The following DLC1 variants were observed in gnomAD, a reference collection of about 807,000 sequenced individuals.
DLC1 encodes the protein rho GTPase-activating protein 7.
In DLC1, 54 loss-of-function variants were observed where a neutral mutation model predicts 140.3. The ratio of observed to expected loss-of-function variants is 0.38; its 90% confidence interval spans 0.31 to 0.48. The LOEUF (loss-of-function observed/expected upper bound fraction) is 0.48. Ranked by LOEUF, DLC1 falls within the 20% of genes least tolerant of loss-of-function variation. The pLI, the probability that DLC1 is intolerant of heterozygous loss-of-function variation, is 0.96. For synonymous variants in DLC1, 986 were observed against 728.1 expected, an observed-to-expected ratio of 1.35 and a Z score of -5.70; for missense variants, 2,536 against 1,907.0, an observed-to-expected ratio of 1.33 and a Z score of -6.14.
chr8:13,294,296 C>G (rs1384049161), intron 5 of DLC1, among the ~76,000 whole-genome samples: 2 of 152,080 alleles, frequency 1.3e-5, no homozygotes, highest in Non-Finnish European at 2.9e-5. Flanking sequence ...CCGTACTGTG[C>G]TACATCATGT....
At chr8:13,410,743 C>A (rs1473339526) in intron 2 of DLC1, among the ~76,000 whole-genome samples, 1 of 152,100 alleles carries the variant, frequency 6.6e-6, no homozygotes, top group African/African-American at 2.4e-5. Flanking sequence ...TTCCAACATA[C>A]TGTACAACTA....
chr8:13,533,151 A>C (rs933914766), intron 1 of DLC1, among the ~76,000 whole-genome samples: 1 of 152,190 alleles, frequency 6.6e-6, no homozygotes, highest in Non-Finnish European at 1.5e-5. Flanking sequence ...AGTAAAACAA[A>C]CAGTCAAAAA....
chr8:13,538,362 T>C (rs1009594423), intron 1 of DLC1, among the ~76,000 whole-genome samples: 1 of 147,806 alleles, frequency 6.8e-6, no homozygotes, highest in African/African-American at 2.6e-5. Context: ...GTGCCAGCAC[T>C]GAGTATAAAA....
chr8:13,175,701 G>T (rs879498651), intron 5 of DLC1, among the ~76,000 whole-genome samples: 1 of 152,142 alleles, frequency 6.6e-6, no homozygotes, highest in Admixed American at 6.5e-5. Context: ...ACTTGAGTCA[G>T]ATTTTACCAA....
intron 5 of DLC1, among the ~76,000 whole-genome samples, chr8:13,152,735 G>C (rs1197579124): frequency 6.6e-6 from 1 of 150,856 alleles, no homozygotes; most frequent in African/African-American, 2.4e-5. Flanking sequence ...AACAGCACCA[G>C]AGTCTGGGGA....
intron 1 of DLC1, among the ~76,000 whole-genome samples, chr8:13,572,085 A>AT (rs1228552049): frequency 1.2e-4 from 10 of 85,344 alleles, no homozygotes; most frequent in Non-Finnish European, 2.2e-4. Flanking sequence ...GATTATTATT[A>AT]TTATTATTTA....
chr8:13,515,979 AGGT>A (rs1309941598), upstream of DLC1, among the ~76,000 whole-genome samples: 1 of 152,120 alleles, frequency 6.6e-6, no homozygotes, highest in African/African-American at 2.4e-5. Flanking sequence ...AAGAAGAGGG[AGGT>A]GGTTTTGGGA....
At chr8:13,277,118 T>C (rs1439149460) in intron 5 of DLC1, among the ~76,000 whole-genome samples, 5 of 152,012 alleles carry the variant, frequency 3.3e-5, no homozygotes, top group African/African-American at 7.2e-5. Flanking sequence ...GCCAGGAGCT[T>C]GAGAACAGCT....
chr8:13,333,026 A>C (rs1436658332), intron 4 of DLC1, among the ~76,000 whole-genome samples: 3 of 152,202 alleles, frequency 2.0e-5, no homozygotes, highest in Admixed American at 2.0e-4. Context: ...TGGCAACACT[A>C]TGATTCTAGA....
intron 4 of DLC1, among the ~76,000 whole-genome samples, chr8:13,390,294 G>A (rs959732228): frequency 2.0e-5 from 3 of 152,108 alleles, no homozygotes; most frequent in Non-Finnish European, 4.4e-5. Context: ...AAAGGACATG[G>A]TCTCATTCCT....
In DLC1 at chr8:13,584,699, T is replaced by C. The variant is rs139167471; in HGVS notation, c.-126+19838A>G. Among the ~76,000 whole-genome samples, 11 of 152,166 alleles carry C rather than the reference T, an allele frequency of 7.2e-5. No homozygotes were observed. In the East Asian group the frequency reaches 1.6e-3, roughly 21 times the overall value. The stretch of plus-strand genomic sequence containing the variant: ...TATATATACCATAGCTTAGCTGGAG[T>C]GCAGAGGTAGGCACATTGAGATGTG... On this transcript the variant is annotated intron_variant, in intron 1 of 1. Transcript: ENST00000631382.
chr8:13,445,257 G>T (rs999471153), intron 2 of DLC1, among the ~76,000 whole-genome samples: 3 of 152,196 alleles, frequency 2.0e-5, no homozygotes, highest in African/African-American at 7.2e-5. Flanking sequence ...GGCCACAGAT[G>T]GCTGTTATTC....
At chr8:13,477,732 G>A (rs777223030) in intron 2 of DLC1, among the ~76,000 whole-genome samples, 8 of 152,004 alleles carry the variant, frequency 5.3e-5, no homozygotes, top group Non-Finnish European at 1.2e-4. Context: ...GGATGGAGAC[G>A]AGAAATGAAG....
chr8:13,551,547 G>A (rs1362229493), intron 1 of DLC1, among the ~76,000 whole-genome samples: 1 of 151,942 alleles, frequency 6.6e-6, no homozygotes, highest in Non-Finnish European at 1.5e-5. Context: ...CATCTGCAGT[G>A]TTACTAAGGT....
intron 2 of DLC1, among the ~76,000 whole-genome samples, chr8:13,407,930 A>G (rs1837635915): frequency 6.6e-6 from 1 of 152,170 alleles, no homozygotes; most frequent in Non-Finnish European, 1.5e-5. Context: ...TAAATTTCTC[A>G]TTCTAGACTT....
intron 1 of DLC1, among the ~76,000 whole-genome samples, chr8:13,562,922 C>A (rs568225832): frequency 2.0e-5 from 3 of 148,842 alleles, no homozygotes; most frequent in African/African-American, 2.5e-5. Context: ...AAAAAAAAAA[C>A]GCCATAAAGC....
intron 4 of DLC1, among the ~76,000 whole-genome samples, chr8:13,392,220 G>C (rs1009987410): frequency 6.6e-6 from 1 of 152,024 alleles, no homozygotes; most frequent in East Asian, 1.9e-4. Flanking sequence ...ATTTCATTGC[G>C]TTTCACTGTT....
chr8:13,256,710 C>T (rs1456810126), intron 5 of DLC1, among the ~76,000 whole-genome samples: 1 of 151,998 alleles, frequency 6.6e-6, no homozygotes, highest in African/African-American at 2.4e-5. Context: ...ACATCACACA[C>T]TGGGGCCTGT....
intron 1 of DLC1, among the ~76,000 whole-genome samples, chr8:13,521,992 A>G (rs964372962): frequency 1.3e-5 from 2 of 152,130 alleles, no homozygotes; most frequent in African/African-American, 4.8e-5. Flanking sequence ...GAGGCCCTCA[A>G]ATGGTTCCAT....
Sources: allele counts gnomAD v4.1 joint callset (sites outside exome capture counted in the v4.1 genomes callset), GRCh38; gene constraint gnomAD v4.1.1; transcripts MANE v1.5; gene names NCBI Gene and HGNC (gene_info 2026-07-23, HGNC 2026-07-21).